FARP1: variants seen among roughly 807,000 people sequenced by gnomAD.
The protein encoded by FARP1 is FERM, ARHGEF and pleckstrin domain-containing protein 1.
FARP1 carries 52 observed loss-of-function variants against 128.8 expected under a neutral mutation model. That is an observed-to-expected ratio of 0.40 (90% CI 0.32 to 0.51). The LOEUF is 0.51. Ranked by LOEUF, FARP1 falls within the 20% of genes least tolerant of loss-of-function variation. The probability of loss-of-function intolerance (pLI) is 0.45; values close to 1 mark genes in which losing one functional copy is unlikely to be tolerated. For synonymous variants in FARP1, 580 were observed against 551.8 expected (o/e 1.05, Z -0.72); for missense variants, 1,333 against 1,367.9 (o/e 0.97, Z 0.40).
chr13:98,427,118 A>T (rs1194814538), intron 17 of FARP1, among the ~76,000 whole-genome samples: 1 of 151,996 alleles, frequency 6.6e-6, no homozygotes, highest in Non-Finnish European at 1.5e-5. Context: ...ATATAATGAC[A>T]GGGATCCACA....
chr13:98,182,635 C>T (rs1878613799), intron 1 of FARP1, among the ~76,000 whole-genome samples: 1 of 152,322 alleles, frequency 6.6e-6, no homozygotes, highest in Admixed American at 6.5e-5. Context: ...CATCCAGCCA[C>T]ATTATTTTAT....
rs573495628 is a variant in FARP1, at chr13:98,325,383, A to G, written c.172-18379A>G. Among the ~76,000 whole-genome samples, 268 of 152,160 alleles carry G rather than the reference A, an allele frequency of 1.8e-3. 2 individuals carry two copies. Among genetic ancestry groups the G allele is most frequent in the Middle Eastern group, 0.01 (3 of 294 alleles). ...TCATATGTTCTGTTTCTGGTACTCT[A>G]TCATCTGTACGACACTGCTGAAAGT... On this transcript the variant is annotated intron_variant, in intron 2 of 26. Transcript: ENST00000319562.
intron 16 of FARP1, among the ~76,000 whole-genome samples, chr13:98,420,396 T>C (rs570132600): frequency 3.3e-5 from 5 of 152,294 alleles, no homozygotes; most frequent in African/African-American, 1.2e-4. Flanking sequence ...CCACCCACAG[T>C]TGGTCATTTT....
intron 9 of FARP1, 133 bp from the exon 10 acceptor site, chr13:98,389,824 C>T (rs1179210530): frequency 2.5e-6 from 2 of 802,670 alleles, no homozygotes; most frequent in East Asian, 2.5e-5. Context: ...AGTCTTTGCA[C>T]TGATGGTCAT....
intron 2 of FARP1, chr13:98,332,635 A>G (rs973048470): frequency 2.0e-5 from 3 of 152,262 alleles, no homozygotes; most frequent in African/African-American, 7.2e-5. Context: ...AGCCTTTTGC[A>G]TAAAAACATT....
chr13:98,209,072 G>C (rs1238427360), intron 1 of FARP1, among the ~76,000 whole-genome samples: 1 of 152,098 alleles, frequency 6.6e-6, no homozygotes, highest in Non-Finnish European at 1.5e-5. Flanking sequence ...GCAGTGGCAC[G>C]ATCTCGGCTC....
chr13:98,410,841 C>T lies in FARP1; in HGVS notation c.1692+18C>T. ...TCACTTCGGTATGTGCAGTATTTCC[C>T]CAAAAGCATTCGATTACATGATTTA... On this transcript the variant is annotated intron_variant, in intron 15 of 26. Coordinates refer to ENST00000319562, the MANE Select transcript of FARP1 (RefSeq NM_005766.4). The T allele has an allele frequency of 1.5e-6, 2 of 1,331,680 alleles. No homozygotes were observed. The highest frequency in any genetic ancestry group is 1.2e-5 in the South Asian group (1 of 81,826). 82.5% of individuals were successfully genotyped at this position (1,331,680 alleles called of 1,614,324 possible). A position where few individuals can be genotyped will look rare whatever the true frequency, so the allele number is the denominator to read the frequency against.
intron 3 of FARP1, among the ~76,000 whole-genome samples, chr13:98,361,342 T>A (rs1026282149): frequency 1.1e-4 from 16 of 152,242 alleles, no homozygotes; most frequent in Non-Finnish European, 2.9e-5. Flanking sequence ...CAGCCCCATG[T>A]GTTATAAAAC....
chr13:98,441,042 G>A (rs534848749), intron 24 of FARP1, among the ~76,000 whole-genome samples: 3 of 152,324 alleles, frequency 2.0e-5, no homozygotes, highest in Admixed American at 2.0e-4. Flanking sequence ...AGTGGGCGCC[G>A]ACCTCCCACA....
chr13:98,324,515 T>C (rs1887148788), intron 2 of FARP1, among the ~76,000 whole-genome samples: 1 of 152,234 alleles, frequency 6.6e-6, no homozygotes, highest in Admixed American at 6.5e-5. Context: ...TGATTTGATA[T>C]TTTCTGGAAA....
chr13:98,242,536 AC>A (rs1483716077), intron 2 of FARP1, among the ~76,000 whole-genome samples: 3 of 152,112 alleles, frequency 2.0e-5, no homozygotes, highest in African/African-American at 7.2e-5. Context: ...AAAGGTAGCC[AC>A]GTGTGGTGCT....
At chr13:98,202,025 C>A (rs1879986232) in intron 1 of FARP1, among the ~76,000 whole-genome samples, 1 of 152,228 alleles carries the variant, frequency 6.6e-6, no homozygotes, top group African/African-American at 2.4e-5. Flanking sequence ...ATAAGCAAAT[C>A]CATCCACACA....
At position 98,176,702 on chromosome 13, in the gene FARP1, C is replaced by G. The variant is rs754458745; in HGVS notation, c.-24+33210C>G. 29 of 1,614,122 alleles carry G rather than the reference C, an allele frequency of 1.8e-5. No individual in the cohort carries two copies. Among genetic ancestry groups the G allele is most frequent in the Non-Finnish European group, 2.4e-5 (28 of 1,180,020 alleles). On this transcript the variant is annotated intron_variant, in intron 1 of 26. Transcript: ENST00000319562. The surrounding 1 kb of genome is among the most constrained non-coding windows in gnomAD (Gnocchi z 6.2). ...ACAGTGGCGCGCAGATGCCCTGGCG[C>G]ACGTATGGGGCCCTTCCTCGCCATC...
chr13:98,444,800 A>T lies in FARP1; in HGVS notation c.2797-1298A>T, dbSNP rs537957086. Among the ~76,000 whole-genome samples, 4 of 152,320 alleles carry T rather than the reference A, an allele frequency of 2.6e-5. No individual in the cohort carries two copies. In the South Asian group the frequency reaches 8.3e-4, roughly 32 times the overall value. On this transcript the variant is annotated intron_variant, in intron 24 of 26. Coordinates refer to ENST00000319562, the MANE Select transcript of FARP1 (RefSeq NM_005766.4). ...CTGCTGTGTGAAAATTATGTGAGTC[A>T]GTATGAAAATACCTAGGAAAGGGGA...
At chr13:98,382,848 CGTT>C (rs1889938206) in intron 6 of FARP1, among the ~76,000 whole-genome samples, 1 of 152,116 alleles carries the variant, frequency 6.6e-6, no homozygotes, top group African/African-American at 2.4e-5. Flanking sequence ...AGTCCCCAGG[CGTT>C]GTGCTGAAGC....
In FARP1 at chr13:98,351,577, T is replaced by A. The variant is rs533479132; in HGVS notation, c.276+7711T>A. 1.4e-3 allele frequency among the ~76,000 whole-genome samples: 198 copies of A among 141,208 alleles called. 1 individual carries two copies. Among genetic ancestry groups the A allele is most frequent in the Non-Finnish European group, 2.2e-3 (143 of 66,208 alleles). The allele number at this position is 141,208 out of a possible 152,430, so 92.6% of individuals were successfully genotyped here. Reference sequence around the variant, plus strand: ...CAGTGAGCTGAGATCACGCCACTGCTCTCCAGCCTGGGCAACAAAGCAAGA... The same window carrying A: ...CAGTGAGCTGAGATCACGCCACTGCACTCCAGCCTGGGCAACAAAGCAAGA... On this transcript the variant is annotated intron_variant, in intron 3 of 26. Coordinates refer to ENST00000319562, the MANE Select transcript of FARP1 (RefSeq NM_005766.4).
chr13:98,344,649 C>T (rs1278826100), intron 3 of FARP1, among the ~76,000 whole-genome samples: 1 of 152,120 alleles, frequency 6.6e-6, no homozygotes, highest in African/African-American at 2.4e-5. Context: ...GGGATGAGAA[C>T]ATTCATTGTG....
intron 2 of FARP1, among the ~76,000 whole-genome samples, chr13:98,308,029 CTCTCTTTTTTTTTTTTTTTTTTTTTTT>C (rs1886257583): frequency 8.7e-6 from 1 of 114,930 alleles, no homozygotes; most frequent in South Asian, 2.7e-4. Context: ...CCCCCACTCT[CTCTCTTTTTTTTTTTTTTTTTTTTTTT>C]TTTTTTTTTG....
chr13:98,319,417 G>A (rs529616059), intron 2 of FARP1, among the ~76,000 whole-genome samples: 12 of 152,272 alleles, frequency 7.9e-5, no homozygotes, highest in South Asian at 2.1e-4. Flanking sequence ...TCAGGAGATC[G>A]AGACCATCCT....
Sources: allele counts gnomAD v4.1 joint callset (sites outside exome capture counted in the v4.1 genomes callset), GRCh38; gene constraint gnomAD v4.1.1; non-coding constraint Gnocchi (gnomAD v3.1); transcripts MANE v1.5; gene names NCBI Gene and HGNC (gene_info 2026-07-23, HGNC 2026-07-21).